Variants in KNTC1 observed in about 807,000 individuals in gnomAD.
KNTC1 encodes kinetochore associated 1.
In KNTC1, 253 loss-of-function variants were observed where a neutral mutation model predicts 314.4. That is an observed-to-expected ratio of 0.80 (90% CI 0.73 to 0.89). KNTC1 has a LOEUF of 0.89. Ranked by LOEUF, KNTC1 falls within the 40% of genes least tolerant of loss-of-function variation. KNTC1 has a pLI of 0.00. For synonymous variants in KNTC1, 901 were observed against 901.4 expected (o/e 1.00, Z 0.01); for missense variants, 2,475 against 2,572.9 (o/e 0.96, Z 0.82).
intron 21 of KNTC1, 27 bp from the exon 22 acceptor site, chr12:122,569,654 C>G: frequency 6.3e-7 from 1 of 1,589,646 alleles, no homozygotes; most frequent in African/African-American, 1.4e-5. Flanking sequence ...TTTGTCAGAT[C>G]TTAATTTCTC....
At position 122,546,150 on chromosome 12, in the gene KNTC1, T is replaced by A. The variant is rs1198769492; in HGVS notation, c.670-26T>A. 2.8e-6 allele frequency: 4 copies of A among 1,426,746 alleles called. No homozygotes were observed. In the East Asian group the frequency reaches 9.1e-5, roughly 32 times the overall value. 88.4% of individuals were successfully genotyped at this position (1,426,746 alleles called of 1,614,324 possible). ...TCAGGTCTAAGAATGAAATTTGCAT[T>A]TTAAGTACTGTGTTCATTTTTCCAG... On this transcript the variant is annotated intron_variant, in intron 8 of 63. Coordinates refer to ENST00000333479, the MANE Select transcript of KNTC1 (RefSeq NM_014708.6).
chr12:122,622,774 C>T (rs1017432844), intron 62 of KNTC1, among the ~76,000 whole-genome samples, 167 bp downstream of exon 62: 1 of 152,092 alleles, frequency 6.6e-6, no homozygotes, highest in Admixed American at 6.6e-5. Flanking sequence ...CATGGAGAAA[C>T]CCTGTCTCTA....
In KNTC1 at chr12:122,573,017, G is replaced by A. The variant is rs1565971546; in HGVS notation, c.2100G>A (p.Arg700=). The change falls in exon 25 of 64, where the codon AGG becomes AGA. Residue 700 remains arginine (R), a synonymous_variant. Coordinates refer to ENST00000333479, the MANE Select transcript of KNTC1 (RefSeq NM_014708.6). Reference sequence around the variant, plus strand: ...TGCGAGAGTTGATCACGTTGCATAGGAAGTACAACTGCAAATTAGCCCTCT... The same window carrying A: ...TGCGAGAGTTGATCACGTTGCATAGAAAGTACAACTGCAAATTAGCCCTCT... The part of the protein sequence containing the change: ...NNLRELITLH[R]KYNCKLALSD... 1.9e-6 allele frequency: 3 copies of A among 1,611,310 alleles called. No individual in the cohort carries two copies.
chr12:122,603,208 C>G lies in KNTC1; in HGVS notation c.5066C>G (p.Ala1689Gly), dbSNP rs1188819113. 1.2e-6 allele frequency: 2 copies of G among 1,612,542 alleles called. No individual in the cohort carries two copies. The highest frequency in any genetic ancestry group is 2.2e-5 in the East Asian group (1 of 44,844). Residue 1689 changes from alanine (A) to glycine (G), a missense_variant, in exon 48 of 64, where the codon GCT (alanine) becomes GGT (glycine). Physicochemically the swap from Ala to Gly is moderately conservative, Grantham distance 60. Coordinates refer to ENST00000333479, the MANE Select transcript of KNTC1 (RefSeq NM_014708.6). The stretch of plus-strand genomic sequence containing the variant: ...ATAGTCAACCCAGAGTGGGCTGTAG[C>G]TATTGCCATCAGCCTTGCCCAGGAT... Reference protein sequence around the residue: ...LSIVNPEWAVAIAISLAQDIP... With the variant: ...LSIVNPEWAVGIAISLAQDIP...
chr12:122,537,226 C>T lies in KNTC1; in HGVS notation c.251-1113C>T, dbSNP rs139551503. Reference sequence around the variant, plus strand: ...GAGCTGTGTCCACCATCTGAATGCTCGGAATGCTCTTCATCTTAGTCATTT... The same window carrying T: ...GAGCTGTGTCCACCATCTGAATGCTTGGAATGCTCTTCATCTTAGTCATTT... On this transcript the variant is annotated intron_variant, in intron 3 of 63. Coordinates refer to ENST00000333479, the MANE Select transcript of KNTC1 (RefSeq NM_014708.6). Among the ~76,000 whole-genome samples, 930 of 152,232 alleles carry T rather than the reference C, an allele frequency of 6.1e-3. 14 individuals are homozygous for T. The highest frequency in any genetic ancestry group is 0.021 in the African/African-American group (890 of 41,546).
In KNTC1 at chr12:122,569,755, G is replaced by A; in HGVS notation, c.1791G>A (p.Leu597=). The A allele has an allele frequency of 6.2e-7, 1 of 1,613,790 alleles. No individual in the cohort carries two copies. The highest frequency in any genetic ancestry group is 8.5e-7 in the Non-Finnish European group (1 of 1,179,778). Residue 597 remains leucine (L), a synonymous_variant, in exon 22 of 64, where the codon TTG becomes TTA. Coordinates refer to ENST00000333479, the MANE Select transcript of KNTC1 (RefSeq NM_014708.6). ...LLNSMSASVS[L]QKLCPWFKND... Reference sequence around the variant, plus strand: ...ACTCAATGTCTGCATCAGTCTCTTTGCAAAAGCTGTGTCCATGGTTTAAAA... The same window carrying A: ...ACTCAATGTCTGCATCAGTCTCTTTACAAAAGCTGTGTCCATGGTTTAAAA...
intron 59 of KNTC1, among the ~76,000 whole-genome samples, chr12:122,619,211 C>T (rs756843905): frequency 1.3e-5 from 2 of 150,064 alleles, no homozygotes; most frequent in African/African-American, 4.9e-5. Flanking sequence ...GCACGTGCCA[C>T]CATGCCAGGC....
At chr12:122,624,725 C>A (rs947448290) in intron 63 of KNTC1, 37 bp downstream of exon 63, 1 of 1,443,014 alleles carries the variant, frequency 6.9e-7, no homozygotes, top group Non-Finnish European at 9.8e-7. Flanking sequence ...TCTAACTTGA[C>A]ATTGTTTATA....
chr12:122,547,804 G>C, intron 11 of KNTC1, 111 bp from the exon 12 acceptor site: 1 of 646,362 alleles, frequency 1.5e-6, no homozygotes, highest in Non-Finnish European at 2.6e-6. Flanking sequence ...TGTTACTTTA[G>C]TTTATATCTT....
At chr12:122,620,401 G>T (rs1593696465) in intron 59 of KNTC1, 78 bp from the exon 60 acceptor site, 1 of 1,357,278 alleles carries the variant, frequency 7.4e-7, no homozygotes, top group South Asian at 1.3e-5. Context: ...ACAGGCAGAT[G>T]ACTATGGAAA....
intron 12 of KNTC1, 35 bp downstream of exon 12, chr12:122,548,004 T>G (rs1422859217): frequency 3.7e-6 from 5 of 1,367,784 alleles, no homozygotes; most frequent in Non-Finnish European, 5.0e-6. Context: ...TTGCCTATAT[T>G]ATGTGTTAGA....
chr12:122,609,158 TTG>T, intron 51 of KNTC1: 1 of 490,182 alleles, frequency 2.0e-6, no homozygotes. Flanking sequence ...ATACTTAGAA[TTG>T]TGTCTATCAT....
chr12:122,541,287 G>GCCTTCCTTCTTT (rs1962298958), intron 5 of KNTC1, among the ~76,000 whole-genome samples: 2 of 120,968 alleles, frequency 1.7e-5, no homozygotes, highest in Admixed American at 1.7e-4. Flanking sequence ...CTGCCTGCCT[G>GCCTTCCTTCTTT]CCTTCCTTCC....
intron 13 of KNTC1, among the ~76,000 whole-genome samples, chr12:122,550,517 T>C (rs1477114341): frequency 1.3e-5 from 2 of 151,534 alleles, no homozygotes; most frequent in Non-Finnish European, 2.9e-5. Context: ...TTGTTGTTGT[T>C]GTCGAGACAG....
intron 6 of KNTC1, among the ~76,000 whole-genome samples, chr12:122,542,861 A>C (rs1962453085): frequency 6.6e-6 from 1 of 152,104 alleles, no homozygotes; most frequent in South Asian, 2.1e-4. Flanking sequence ...AAATTATTTG[A>C]GGAATGGATT....
Position 122,569,820 on chromosome 12 carries a change from G to A in KNTC1, c.1856G>A (p.Gly619Glu). The A allele has an allele frequency of 2.5e-6, 4 of 1,609,354 alleles. No homozygotes were observed. The highest frequency in any genetic ancestry group is 3.4e-6 in the Non-Finnish European group (4 of 1,178,424). The change falls in exon 22 of 64, where the codon GGA becomes GAA. Residue 619 changes from glycine (G) to glutamate (E), a missense_variant. Gly to Glu is a moderately conservative substitution (Grantham distance 98, BLOSUM62 -2). Coordinates refer to ENST00000333479, the MANE Select transcript of KNTC1 (RefSeq NM_014708.6). ...TTTGTAAGAAGGACTGTGCCTGAAG[G>A]ACAGGTGAGTTGTCTTCAGTATTTC... ...IPFVRRTVPEGQIILAKWLEQ... is the reference protein window; with the variant it reads ...IPFVRRTVPEEQIILAKWLEQ...
Position 122,543,620 on chromosome 12 carries a change from A to C in KNTC1, c.544A>C (p.Ser182Arg), listed in dbSNP as rs1176321677. 1 of 1,562,142 alleles carries C rather than the reference A, an allele frequency of 6.4e-7. No homozygotes were observed. Among genetic ancestry groups the C allele is most frequent in the African/African-American group, 1.4e-5 (1 of 73,560 alleles). ...IQQAIENVDF[S>R]TAKKLQGQIK... The stretch of plus-strand genomic sequence containing the variant: ...TGCAGCAATTGAGAATGTAGACTTC[A>C]GTACAGCAAAAAAGGTAAGAAAATA... Residue 182 changes from serine (S) to arginine (R), a missense_variant, in exon 7 of 64, where the codon AGT becomes CGT. Physicochemically the swap from Ser to Arg is moderately radical, Grantham distance 110 (BLOSUM62 -1). Transcript: ENST00000333479.
At chr12:122,625,314 A>C (rs996782290) in intron 63 of KNTC1, among the ~76,000 whole-genome samples, 1 of 152,188 alleles carries the variant, frequency 6.6e-6, no homozygotes. Flanking sequence ...GAGGCAGGAG[A>C]ATTGCTTGAG....
chr12:122,554,069 AAAAAAAAATATAT>A (rs1450001342), intron 16 of KNTC1, among the ~76,000 whole-genome samples: 1 of 70,930 alleles, frequency 1.4e-5, no homozygotes, highest in African/African-American at 6.0e-5. Context: ...TTCCTTAAAA[AAAAAAAAATATAT>A]ATATATATAT....
Sources: allele counts gnomAD v4.1 joint callset (sites outside exome capture counted in the v4.1 genomes callset), GRCh38; gene constraint gnomAD v4.1.1; transcripts MANE v1.5; gene names NCBI Gene and HGNC (gene_info 2026-07-23, HGNC 2026-07-21).